RIMS3: variants seen among roughly 807,000 people sequenced by gnomAD.
RIMS3 encodes regulating synaptic membrane exocytosis 3, also known as regulating synaptic membrane exocytosis protein 3.
RIMS3 carries 15 observed loss-of-function variants against 29.2 expected under a neutral mutation model. The observed-to-expected ratio is 0.51, with a 90% CI of 0.34 to 0.79. The LOEUF (loss-of-function observed/expected upper bound fraction) is 0.79. Among genes scored for constraint, RIMS3 ranks in the 30% least tolerant of loss-of-function variants. RIMS3 has a pLI of 0.01. For missense variants in RIMS3, 342 were observed against 421.4 expected (o/e 0.81, Z 1.65); for synonymous variants, 161 against 170.1 (o/e 0.95, Z 0.41).
At chr1:40,665,899 A>G (rs1388929238), upstream of RIMS3, among the ~76,000 whole-genome samples, 1 of 151,408 alleles carries the variant, frequency 6.6e-6, no homozygotes, top group African/African-American at 2.4e-5. Flanking sequence ...TGTCCCTAGG[A>G]CTCTCTTGCC....
rs754597256 is a variant in RIMS3 at position 40,626,490 on chromosome 1, C to T, written c.*27G>A. ...GGCCAGCAGGCACCCCTCCCCACACCACCATCCTGGCCTCTTCCTGACATC... is the reference window on the plus strand; with the variant it reads ...GGCCAGCAGGCACCCCTCCCCACACTACCATCCTGGCCTCTTCCTGACATC... On this transcript the variant is annotated 3_prime_UTR_variant, in exon 8 of 8. Transcript: ENST00000372684. 7 of 1,570,936 alleles carry T rather than the reference C, an allele frequency of 4.5e-6. No homozygotes were observed. The highest frequency in any genetic ancestry group is 1.8e-4 in the Middle Eastern group (1 of 5,676).
the RIMS3 span, among the ~76,000 whole-genome samples, chr1:40,689,222 A>C: frequency 6.6e-6 from 1 of 152,212 alleles, no homozygotes; most frequent in African/African-American, 2.4e-5. Context: ...CAGAGGAAAG[A>C]TAATATGGCA....
intron 1 of RIMS3, among the ~76,000 whole-genome samples, chr1:40,655,154 G>A (rs1203577867): frequency 6.6e-6 from 1 of 152,176 alleles, no homozygotes; most frequent in Non-Finnish European, 1.5e-5. Context: ...GGACAAAGCG[G>A]GGAGTAGGGG....
the RIMS3 span, among the ~76,000 whole-genome samples, chr1:40,684,025 T>C: frequency 6.6e-6 from 1 of 152,330 alleles, no homozygotes; most frequent in Admixed American, 6.5e-5. Context: ...TAATGATACT[T>C]GATTCAGTGG....
upstream of RIMS3, among the ~76,000 whole-genome samples, chr1:40,665,990 C>T (rs1230768872): frequency 6.6e-6 from 1 of 152,184 alleles, no homozygotes; most frequent in Non-Finnish European, 1.5e-5. Context: ...CCTCCCAGGA[C>T]CTCACAGGCA....
chr1:40,674,973 T>G, the RIMS3 span, among the ~76,000 whole-genome samples: 4 of 152,282 alleles, frequency 2.6e-5, no homozygotes, highest in African/African-American at 9.6e-5. Flanking sequence ...GAGAAAGACA[T>G]TGTTGTCCCA....
intron 3 of RIMS3, 132 bp downstream of exon 3, chr1:40,641,577 T>C: frequency 1.2e-6 from 1 of 815,184 alleles, no homozygotes; most frequent in African/African-American, 1.7e-5. Flanking sequence ...GAACAGCACC[T>C]GGTGTATGGG....
chr1:40,644,026 G>A (rs181851189), intron 2 of RIMS3, among the ~76,000 whole-genome samples: 7 of 146,438 alleles, frequency 4.8e-5, no homozygotes, highest in African/African-American at 2.6e-5. Flanking sequence ...TTGTCCAAGG[G>A]GGGGAAGATT....
chr1:40,638,860 G>A (rs975881638), intron 3 of RIMS3, among the ~76,000 whole-genome samples: 15 of 152,176 alleles, frequency 9.9e-5, no homozygotes, highest in Admixed American at 1.3e-4. Flanking sequence ...GAGGCCCAGC[G>A]GAAAAGTAAA....
Position 40,645,608 on chromosome 1 carries a change from G to A in RIMS3, c.-32+2060C>T, listed in dbSNP as rs542794858. On this transcript the variant is annotated intron_variant, in intron 2 of 7. Transcript: ENST00000372684. ...CCCTCTGGCCCAGGTTCCCACAGCT[G>A]TCATGAGCATCTAAGTTAGGGCAGT... 1.9e-4 allele frequency among the ~76,000 whole-genome samples: 29 copies of A among 152,250 alleles called. No individual in the cohort carries two copies. The South Asian group carries it at 5.6e-3, about 29-fold the overall frequency.
At chr1:40,655,054 A>G (rs899788296) in intron 1 of RIMS3, among the ~76,000 whole-genome samples, 2 of 152,152 alleles carry the variant, frequency 1.3e-5, no homozygotes, top group Non-Finnish European at 2.9e-5. Context: ...GGCCCTGCTC[A>G]TGGGCCCTGA....
At chr1:40,690,734 G>A in the RIMS3 span, 1 of 152,196 alleles carries the variant, frequency 6.6e-6, no homozygotes, top group Admixed American at 6.5e-5. Flanking sequence ...CAAAGGAAGT[G>A]AGTAACAACA....
chr1:40,639,202 T>C (rs1223723680), intron 3 of RIMS3, among the ~76,000 whole-genome samples: 1 of 152,222 alleles, frequency 6.6e-6, no homozygotes, highest in Admixed American at 6.5e-5. Flanking sequence ...AGCCCAGCCC[T>C]GCAGGGAATG....
intron 1 of RIMS3, among the ~76,000 whole-genome samples, chr1:40,661,095 C>T (rs1335454072): frequency 6.6e-6 from 1 of 152,142 alleles, no homozygotes; most frequent in Non-Finnish European, 1.5e-5. Context: ...CTGGTGTAAG[C>T]ATTGCTCTGC....
In RIMS3 at chr1:40,649,686, G is replaced by A. The variant is rs143569348; in HGVS notation, c.-206-1844C>T. On this transcript the variant is annotated intron_variant, in intron 1 of 7. Coordinates refer to ENST00000372684, the MANE Select transcript of RIMS3 (RefSeq NM_014747.3). ...GCCAGACCGGACAAAGGAGCTCATC[G>A]GTGAGGTTTGTGGTGAGGAGAGGAG... 1.2e-3 allele frequency among the ~76,000 whole-genome samples: 179 copies of A among 152,330 alleles called. 3 individuals carry two copies. Among genetic ancestry groups the A allele is most frequent in the African/African-American group, 4.1e-3 (170 of 41,580 alleles).
At chr1:40,656,600 A>G (rs1642276163) in intron 1 of RIMS3, among the ~76,000 whole-genome samples, 1 of 152,068 alleles carries the variant, frequency 6.6e-6, no homozygotes, top group Non-Finnish European at 1.5e-5. Flanking sequence ...CCTGACCAAC[A>G]TGGAGAAACT....
intron 4 of RIMS3, among the ~76,000 whole-genome samples, chr1:40,633,963 G>C (rs997058694): frequency 3.3e-5 from 5 of 152,168 alleles, no homozygotes; most frequent in Admixed American, 2.6e-4. Context: ...AAAAGTTCCA[G>C]ACAAACAGAA....
At chr1:40,631,654 G>A (rs1387394876) in intron 5 of RIMS3, among the ~76,000 whole-genome samples, 1 of 152,108 alleles carries the variant, frequency 6.6e-6, no homozygotes, top group African/African-American at 2.4e-5. Context: ...ACTCCAGCCT[G>A]GTGACAGAGC....
intron 1 of RIMS3, among the ~76,000 whole-genome samples, chr1:40,650,240 TC>T (rs1646623155): frequency 6.6e-6 from 1 of 152,148 alleles, no homozygotes; most frequent in South Asian, 2.1e-4. Flanking sequence ...CATGCCCCCT[TC>T]CCAGGACAGG....
Sources: allele counts gnomAD v4.1 joint callset (sites outside exome capture counted in the v4.1 genomes callset), GRCh38; gene constraint gnomAD v4.1.1; transcripts MANE v1.5; gene names NCBI Gene and HGNC (gene_info 2026-07-23, HGNC 2026-07-21).